The following TNRC6C variants were observed in gnomAD, a reference collection of about 807,000 sequenced individuals.
The protein encoded by TNRC6C is trinucleotide repeat containing adaptor 6C.
A neutral mutation model predicts 153.7 loss-of-function variants in TNRC6C; 20 were observed. The observed-to-expected ratio is 0.13, with a 90% CI of 0.09 to 0.19. TNRC6C has a LOEUF of 0.19. TNRC6C is among the 10% of genes least tolerant of loss of function. The pLI is 1.00. For synonymous variants in TNRC6C, 811 were observed against 841.4 expected (o/e 0.96, Z 0.63); for missense variants, 1,987 against 2,172.0 (o/e 0.91, Z 1.69).
rs190930175 is a variant in TNRC6C, at chr17:78,065,665, G to T, written c.2611+728G>T. ...TCACAGCAGCCTAACGCATCTTGCC[G>T]TATTGCCCTGCTTTCATCTTGTCAA... is the stretch of plus-strand genomic sequence containing the variant. On this transcript the variant is annotated intron_variant, in intron 4 of 19. Coordinates refer to ENST00000301624, the Ensembl canonical transcript of TNRC6C. Among the ~76,000 whole-genome samples, 491 of 152,204 alleles carry T rather than the reference G, an allele frequency of 3.2e-3. 1 individual carries two copies. Among genetic ancestry groups the T allele is most frequent in the Non-Finnish European group, 5.6e-3 (378 of 68,010 alleles).
intron 5 of TNRC6C, among the ~76,000 whole-genome samples, chr17:78,069,306 G>A (rs1459910684): frequency 1.3e-5 from 2 of 152,048 alleles, no homozygotes; most frequent in African/African-American, 2.4e-5. Flanking sequence ...TCCTAGACAC[G>A]GACTCACAGG....
chr17:78,039,309 G>GCCCC (rs11306576), intron 2 of TNRC6C, among the ~76,000 whole-genome samples: 66 of 113,540 alleles, frequency 5.8e-4, no homozygotes, highest in African/African-American at 2.1e-3. Context: ...TTCAAATCTT[G>GCCCC]CCCCCCCCCC....
intron 16 of TNRC6C, among the ~76,000 whole-genome samples, chr17:78,094,794 G>C (rs2073454745): frequency 6.6e-6 from 1 of 152,236 alleles, no homozygotes; most frequent in Non-Finnish European, 1.5e-5. Context: ...GGTTTGGCTG[G>C]AAAGCCAACA....
chr17:78,044,500 G>T (rs938298563), intron 2 of TNRC6C, among the ~76,000 whole-genome samples: 2 of 152,154 alleles, frequency 1.3e-5, no homozygotes, highest in Non-Finnish European at 2.9e-5. Flanking sequence ...CCAGTCACAC[G>T]ATGACTCACA....
intron 1 of TNRC6C, among the ~76,000 whole-genome samples, chr17:77,973,959 TTTG>T (rs372932549): frequency 2.1e-4 from 31 of 151,204 alleles, no homozygotes; most frequent in African/African-American, 5.3e-4. Context: ...CCAGAAGGCT[TTTG>T]TTGTTGTTGT....
chr17:78,030,729 T>C (rs930479760), intron 1 of TNRC6C, among the ~76,000 whole-genome samples: 1 of 152,188 alleles, frequency 6.6e-6, no homozygotes, highest in South Asian at 2.1e-4. Context: ...GTTTTATAAA[T>C]ATTGAACAAG....
intron 1 of TNRC6C, among the ~76,000 whole-genome samples, chr17:77,961,489 T>G (rs2070862439): frequency 6.8e-6 from 1 of 147,244 alleles, no homozygotes; most frequent in African/African-American, 2.7e-5. Flanking sequence ...TTAAATACGG[T>G]TGATACTGAG....
chr17:78,063,542 C>T (rs2072812443), intron 3 of TNRC6C, among the ~76,000 whole-genome samples: 1 of 152,020 alleles, frequency 6.6e-6, no homozygotes, highest in Non-Finnish European at 1.5e-5. Context: ...GGACCAATCC[C>T]TGAGGATGCT....
In TNRC6C at chr17:78,076,233, GA is replaced by G. The variant is rs899650295; in HGVS notation, c.3061-940del. On this transcript the variant is annotated intron_variant, in intron 8 of 19. Coordinates refer to ENST00000301624, the Ensembl canonical transcript of TNRC6C. ...TCTGTCTCAAAAAAAAAAAGAAAAA[GA>G]AAAAAAAAAAAGGAAAGGCTCACAA... is the stretch of plus-strand genomic sequence containing the variant. 1.2e-3 allele frequency among the ~76,000 whole-genome samples: 156 copies of G among 128,062 alleles called. 1 individual carries two copies. The highest frequency in any genetic ancestry group is 9.2e-4 in the East Asian group (3 of 3,252). 84.0% of individuals were successfully genotyped at this position (128,062 alleles called of 152,430 possible). A position where few individuals can be genotyped will look rare whatever the true frequency, so the allele number is the denominator to read the frequency against.
chr17:78,097,775 C>T (rs747547755), intron 16 of TNRC6C: 11 of 1,550,988 alleles, frequency 7.1e-6, no homozygotes, highest in East Asian at 2.4e-5. Flanking sequence ...CAGAATGCCA[C>T]GCTGCCTTCT....
At position 78,049,636 on chromosome 17, in the gene TNRC6C, T is replaced by G. The variant is rs770081832; in HGVS notation, c.574T>G (p.Ser192Ala). ...ACCAAATAACACTAACCCCATGAAC[T>G]CTTCACCCAACCCTATCAATGCAAT... The change falls in exon 3 of 20, where the codon TCT becomes GCT. Residue 192 changes from serine (S) to alanine (A), a missense_variant. Physicochemically the swap from Ser to Ala is moderately conservative, Grantham distance 99 (BLOSUM62 1). Around this residue, in one of 4 missense-constraint regions of TNRC6C, gnomAD observed 1,052 missense variants for 1,017.0 expected, o/e 1.03. Coordinates refer to ENST00000301624, the Ensembl canonical transcript of TNRC6C. This position sits in a 1 kb window ranked among gnomAD's most constrained non-coding sequence, Gnocchi z 4.1. 2 of 1,613,878 alleles carry G rather than the reference T, an allele frequency of 1.2e-6. No individual in the cohort carries two copies. Among genetic ancestry groups the G allele is most frequent in the Admixed American group, 3.3e-5 (2 of 60,014 alleles).
At chr17:77,997,651 G>A (rs1001224689) in intron 1 of TNRC6C, among the ~76,000 whole-genome samples, 2 of 151,282 alleles carry the variant, frequency 1.3e-5, no homozygotes, top group South Asian at 2.1e-4. Context: ...CATTTATAAC[G>A]TTGTTTTTTT....
exon 20 of TNRC6C, chr17:78,108,740 G>A (rs1203481023): frequency 6.5e-6 from 1 of 153,546 alleles, no homozygotes; most frequent in East Asian, 1.9e-4. Context: ...GTGAAAAAGA[G>A]GCTTGAGGAA....
intron 17 of TNRC6C, among the ~76,000 whole-genome samples, chr17:78,101,922 T>C (rs58189797): frequency 0.1 from 15,252 of 148,260 alleles, 899 homozygotes; most frequent in East Asian, 0.14. Flanking sequence ...GTTTTTTTTA[T>C]GGCCAGTTTT....
At chr17:78,093,746 ACCT>A in exon 16 of TNRC6C, 4 of 1,613,594 alleles carry the variant, frequency 2.5e-6, no homozygotes, top group Non-Finnish European at 3.4e-6. Flanking sequence ...GTCAACCGCT[ACCT>A]CCTCAAGAGT....
chr17:77,958,232 C>T (rs1440558988), upstream of TNRC6C, among the ~76,000 whole-genome samples: 1 of 151,920 alleles, frequency 6.6e-6, no homozygotes, highest in Non-Finnish European at 1.5e-5. Flanking sequence ...GGAGAACCCA[C>T]CGGACGCGCA....
chr17:77,962,628 G>T lies in TNRC6C; in HGVS notation c.-38+3360G>T, dbSNP rs189370703. The stretch of plus-strand genomic sequence containing the variant: ...GCGGAGTCCTGAACAGACTGAGCGT[G>T]AAAGGGTCTATATAAGCTGGGAAGA... On this transcript the variant is annotated intron_variant, in intron 1 of 22. Transcript: ENST00000636222. Among the ~76,000 whole-genome samples the T allele has an allele frequency of 1.8e-3, 280 of 152,370 alleles. 1 individual carries two copies. The highest frequency in any genetic ancestry group is 3.4e-3 in the Middle Eastern group (1 of 294).
chr17:78,092,983 G>C, exon 15 of TNRC6C: 2 of 1,613,858 alleles, frequency 1.2e-6, no homozygotes, highest in Non-Finnish European at 1.7e-6. Flanking sequence ...GTCCTCCATT[G>C]ATGACTCCTA....
intron 1 of TNRC6C, among the ~76,000 whole-genome samples, chr17:78,017,217 T>C (rs2071744496): frequency 6.6e-6 from 1 of 152,226 alleles, no homozygotes; most frequent in Non-Finnish European, 1.5e-5. Context: ...TTTTTAAAAA[T>C]GTCTTAAATA....
Sources: allele counts gnomAD v4.1 joint callset (sites outside exome capture counted in the v4.1 genomes callset), GRCh38; gene constraint gnomAD v4.1.1; regional missense constraint gnomAD v4.1.1; non-coding constraint Gnocchi (gnomAD v3.1); transcripts MANE v1.5; gene names NCBI Gene and HGNC (gene_info 2026-07-23, HGNC 2026-07-21).